CDH12: variants seen among roughly 807,000 people sequenced by gnomAD.
The protein encoded by CDH12 is cadherin-12.
CDH12 carries 41 observed loss-of-function variants against 74.1 expected under a neutral mutation model. That is an observed-to-expected ratio of 0.55 (90% confidence interval 0.43 to 0.72). CDH12 has a LOEUF of 0.72. Ranked by LOEUF, CDH12 falls within the 30% of genes least tolerant of loss-of-function variation. The probability of loss-of-function intolerance (pLI) is 0.00; values close to 1 mark genes in which losing one functional copy is unlikely to be tolerated. For synonymous variants in CDH12, 399 were observed against 355.0 expected (o/e 1.12, Z -1.39); for missense variants, 945 against 977.2 (o/e 0.97, Z 0.44).
chr5:22,761,930 A>AACACACAC (rs10662625), intron 1 of CDH12, among the ~76,000 whole-genome samples: 1 of 148,988 alleles, frequency 6.7e-6, no homozygotes, highest in African/African-American at 2.5e-5. Flanking sequence ...TAATTTCTCA[A>AACACACAC]ACACACACAC....
intron 4 of CDH12, among the ~76,000 whole-genome samples, chr5:22,092,086 C>T (rs1743467620): frequency 6.6e-6 from 1 of 151,294 alleles, no homozygotes; most frequent in Admixed American, 6.6e-5. Flanking sequence ...AATTGGATAT[C>T]CACATAAAAA....
At chr5:22,265,008 A>G (rs1451598258) in intron 3 of CDH12, among the ~76,000 whole-genome samples, 1 of 152,184 alleles carries the variant, frequency 6.6e-6, no homozygotes, top group African/African-American at 2.4e-5. Flanking sequence ...TCTTTTCACA[A>G]TAACTTTTCT....
chr5:22,361,881 A>G (rs533732421), intron 3 of CDH12, among the ~76,000 whole-genome samples: 2 of 152,326 alleles, frequency 1.3e-5, no homozygotes, highest in African/African-American at 4.8e-5. Context: ...AGCCATATGG[A>G]GAAACCTGAA....
chr5:22,085,708 A>C (rs999744258), intron 4 of CDH12, among the ~76,000 whole-genome samples: 2 of 152,170 alleles, frequency 1.3e-5, no homozygotes, highest in Non-Finnish European at 2.9e-5. Flanking sequence ...AAAAAAAATC[A>C]ATGGCAGCAT....
intron 5 of CDH12, among the ~76,000 whole-genome samples, chr5:22,027,612 G>A (rs1738459595): frequency 6.6e-6 from 1 of 151,994 alleles, no homozygotes; most frequent in Admixed American, 6.6e-5. Context: ...AGAGGTGTTT[G>A]TAGTATTCTC....
At chr5:22,095,916 C>T (rs1274109501) in intron 4 of CDH12, among the ~76,000 whole-genome samples, 1 of 151,842 alleles carries the variant, frequency 6.6e-6, no homozygotes, top group African/African-American at 2.4e-5. Flanking sequence ...CGTGCCCCAA[C>T]CTCTTATCTC....
chr5:22,817,888 G>A (rs529305158), intron 1 of CDH12, among the ~76,000 whole-genome samples: 3 of 152,038 alleles, frequency 2.0e-5, no homozygotes, highest in Non-Finnish European at 4.4e-5. Flanking sequence ...TTTTTGGATT[G>A]TTCATCTGAA....
At chr5:22,323,639 A>G (rs1247184293) in intron 3 of CDH12, among the ~76,000 whole-genome samples, 1 of 152,198 alleles carries the variant, frequency 6.6e-6, no homozygotes, top group East Asian at 1.9e-4. Flanking sequence ...CCACATGACT[A>G]GTGCTCTGTA....
chr5:22,702,045 ATTG>A (rs1378850961), intron 1 of CDH12, among the ~76,000 whole-genome samples: 9 of 152,120 alleles, frequency 5.9e-5, no homozygotes, highest in Non-Finnish European at 1.2e-4. Flanking sequence ...GACAACTATA[ATTG>A]TTGTTGTTTT....
chr5:22,335,992 C>A (rs1478799111), intron 3 of CDH12, among the ~76,000 whole-genome samples: 1 of 151,976 alleles, frequency 6.6e-6, no homozygotes, highest in Non-Finnish European at 1.5e-5. Flanking sequence ...TGACCAAAAG[C>A]CTGACAGCAA....
At chr5:21,833,085 T>A (rs1423389749) in intron 8 of CDH12, among the ~76,000 whole-genome samples, 1 of 38,034 alleles carries the variant, frequency 2.6e-5, no homozygotes, top group Non-Finnish European at 4.8e-5. Context: ...TATATTATAT[T>A]ATAAATATAT....
intron 1 of CDH12, among the ~76,000 whole-genome samples, chr5:22,709,989 G>A (rs1483111613): frequency 6.6e-6 from 1 of 152,166 alleles, no homozygotes; most frequent in Non-Finnish European, 1.5e-5. Flanking sequence ...GAAGATATGA[G>A]TCATAGCCTA....
At chr5:22,119,587 G>A (rs887604368) in intron 4 of CDH12, among the ~76,000 whole-genome samples, 2 of 152,014 alleles carry the variant, frequency 1.3e-5, no homozygotes, top group African/African-American at 2.4e-5. Flanking sequence ...ACAGCTCCCC[G>A]CCAATCATCC....
intron 5 of CDH12, among the ~76,000 whole-genome samples, chr5:21,992,746 G>A (rs1351514828): frequency 1.7e-4 from 26 of 152,104 alleles, no homozygotes; most frequent in Admixed American, 1.4e-3. Flanking sequence ...ACTTATAAAC[G>A]GAATTTCCAA....
At chr5:21,769,332 A>T (rs1745196611) in intron 11 of CDH12, among the ~76,000 whole-genome samples, 1 of 152,098 alleles carries the variant, frequency 6.6e-6, no homozygotes, top group Non-Finnish European at 1.5e-5. Flanking sequence ...TTGCTTAAAG[A>T]TGACATGAAC....
In CDH12 at chr5:22,059,253, CTCTATCTATCTATCTA is replaced by C. The variant is rs11438319; in HGVS notation, c.231+19177_231+19192del. On this transcript the variant is annotated intron_variant, in intron 5 of 14. Transcript: ENST00000382254. ...TTTTCAAAGTTCAGTTTTCCTTGTA[CTCTATCTATCTATCTA>C]TCTATCTATCTATCTATCTATCTAT... 3.3e-3 allele frequency among the ~76,000 whole-genome samples: 470 copies of C among 144,322 alleles called. 2 individuals are homozygous for C. The highest frequency in any genetic ancestry group is 9.3e-3 in the African/African-American group (359 of 38,532). 94.7% of individuals were successfully genotyped at this position (144,322 alleles called of 152,430 possible).
At chr5:22,402,192 T>G (rs1198526284) in intron 3 of CDH12, among the ~76,000 whole-genome samples, 1 of 152,190 alleles carries the variant, frequency 6.6e-6, no homozygotes, top group Non-Finnish European at 1.5e-5. Flanking sequence ...CAGAAGTTGG[T>G]AGAATGTGGA....
At chr5:22,276,439 T>C (rs1482843625) in intron 3 of CDH12, among the ~76,000 whole-genome samples, 1 of 152,156 alleles carries the variant, frequency 6.6e-6, no homozygotes, top group Non-Finnish European at 1.5e-5. Context: ...AATACATGAG[T>C]TGCCGTAAAT....
intron 6 of CDH12, among the ~76,000 whole-genome samples, chr5:21,910,965 AG>A (rs1753836389): frequency 6.6e-6 from 1 of 152,184 alleles, no homozygotes; most frequent in Non-Finnish European, 1.5e-5. Context: ...AATGCTCTCT[AG>A]TGATGTTTTT....
Sources: allele counts gnomAD v4.1 joint callset (sites outside exome capture counted in the v4.1 genomes callset), GRCh38; gene constraint gnomAD v4.1.1; transcripts MANE v1.5; gene names NCBI Gene and HGNC (gene_info 2026-07-23, HGNC 2026-07-21).